Variants in MASTL observed in about 807,000 individuals in gnomAD.
MASTL encodes the protein serine/threonine-protein kinase greatwall.
In MASTL, 54 loss-of-function variants were observed where a neutral mutation model predicts 82.5. The ratio of observed to expected loss-of-function variants is 0.65; its 90% CI spans 0.53 to 0.82. The LOEUF is 0.82. Ranked by LOEUF, MASTL falls within the 40% of genes least tolerant of loss-of-function variation. MASTL has a pLI of 0.00. For missense variants in MASTL, 950 were observed against 1,047.8 expected (o/e 0.91, Z 1.29); for synonymous variants, 323 against 368.9 (o/e 0.88, Z 1.43).
At chr10:27,161,266 GGGA>G in intron 4 of MASTL, 84 bp downstream of exon 4, 1 of 789,256 alleles carries the variant, frequency 1.3e-6, no homozygotes, top group Non-Finnish European at 2.2e-6. Flanking sequence ...CCAGCACTTT[GGGA>G]GGCCAAGGCG....
At chr10:27,155,846 G>T (rs2057347937) in intron 1 of MASTL, among the ~76,000 whole-genome samples, 1 of 152,164 alleles carries the variant, frequency 6.6e-6, no homozygotes, top group Admixed American at 6.5e-5. Context: ...AGTGAGAACA[G>T]CAAAGTTTGA....
Position 27,184,552 on chromosome 10 carries a change from G to A in MASTL, c.2483-1827G>A, listed in dbSNP as rs796432479. Among the ~76,000 whole-genome samples, 214 of 89,648 alleles carry A rather than the reference G, an allele frequency of 2.4e-3. 1 individual carries two copies. Among genetic ancestry groups the A allele is most frequent in the African/African-American group, 7.8e-3 (199 of 25,454 alleles). 58.8% of individuals were successfully genotyped at this position (89,648 alleles called of 152,430 possible). ...TAAAAAACACTATCACATATAAGAA[G>A]GATTTTTTTTTTTTTTTTTTTTTTT... On this transcript the variant is annotated intron_variant, in intron 11 of 11. Coordinates refer to ENST00000375940, the MANE Select transcript of MASTL (RefSeq NM_001172303.3).
chr10:27,158,657 T>C lies in MASTL; in HGVS notation c.295T>C (p.Ser99Pro). ...KSPFIVHLYYSLQSANNVYLV... is the reference protein window; with the variant it reads ...KSPFIVHLYYPLQSANNVYLV... ...CCCATTCATTGTCCATTTGTATTAT[T>C]CACTGCAGTCTGCAAACAATGTCTA... The change falls in exon 2 of 12, where the codon TCA becomes CCA. Residue 99 changes from serine (S) to proline (P), a missense_variant. Physicochemically the swap from Ser to Pro is moderately conservative, Grantham distance 74. Transcript: ENST00000375940. The C allele has an allele frequency of 6.2e-7, 1 of 1,614,130 alleles. No homozygotes were observed. Among genetic ancestry groups the C allele is most frequent in the East Asian group, 2.2e-5 (1 of 44,884 alleles).
chr10:27,185,549 C>T (rs1370479144), intron 11 of MASTL, among the ~76,000 whole-genome samples: 5 of 146,916 alleles, frequency 3.4e-5, no homozygotes, highest in African/African-American at 1.2e-4. Flanking sequence ...GGGAGAATCG[C>T]TTGAACCCGG....
chr10:27,176,897 G>T (rs1391177586), intron 9 of MASTL, among the ~76,000 whole-genome samples: 2 of 147,472 alleles, frequency 1.4e-5, no homozygotes, highest in African/African-American at 5.0e-5. Context: ...CCAGACTGGA[G>T]TGCAGTGGCG....
At chr10:27,155,670 C>G in intron 1 of MASTL, 58 bp downstream of exon 1, 1 of 1,597,316 alleles carries the variant, frequency 6.3e-7, no homozygotes, top group Non-Finnish European at 8.6e-7. Flanking sequence ...CCTTCCTGCC[C>G]CACCGGCTTG....
At chr10:27,181,350 T>G (rs989758175) in intron 10 of MASTL, 130 bp from the exon 11 acceptor site, 2 of 714,600 alleles carry the variant, frequency 2.8e-6, no homozygotes, top group African/African-American at 3.5e-5. Context: ...GAGATCACGC[T>G]TTTGCACTCC....
chr10:27,184,554 ATTTT>A (rs752147433), intron 11 of MASTL, among the ~76,000 whole-genome samples: 3 of 84,856 alleles, frequency 3.5e-5, no homozygotes, highest in African/African-American at 9.4e-5. Flanking sequence ...TATAAGAAGG[ATTTT>A]TTTTTTTTTT....
intron 11 of MASTL, among the ~76,000 whole-genome samples, chr10:27,181,849 C>T (rs896872513): frequency 1.3e-5 from 2 of 151,972 alleles, no homozygotes; most frequent in Admixed American, 6.6e-5. Context: ...CCGAGGCAGG[C>T]GGATCACGAG....
intron 11 of MASTL, 63 bp from the exon 12 acceptor site, chr10:27,186,316 C>A (rs1299943443): frequency 2.1e-6 from 3 of 1,435,620 alleles, no homozygotes; most frequent in East Asian, 2.3e-5. Context: ...TATAATAATT[C>A]CTGTAAAGCA....
At chr10:27,155,285 G>T (rs1376980761), upstream of MASTL, 2 of 771,790 alleles carry the variant, frequency 2.6e-6, no homozygotes, top group Non-Finnish European at 4.1e-6. Flanking sequence ...CTGCGTAGGG[G>T]AGGTGACGAG....
At chr10:27,156,829 A>AT (rs10660334) in intron 1 of MASTL, among the ~76,000 whole-genome samples, 62,152 of 122,274 alleles carry the variant, frequency 0.51, 17,718 homozygotes, top group Non-Finnish European at 0.64. Context: ...CCTGCTATGA[A>AT]TTTTTTTTTT....
rs2057557492 is a variant in MASTL, at chr10:27,161,106, G to GGACA, written c.478_481dup (p.Asn161ArgfsTer7). ...TTTGTGTGTGCAGGGACTTGAAACC[G>GGACA]GACAATATGCTTATTTCTAATGAGG... is the stretch of plus-strand genomic sequence containing the variant. On this transcript the variant is annotated frameshift_variant, in exon 4 of 12. Coordinates refer to ENST00000375940, the MANE Select transcript of MASTL (RefSeq NM_001172303.3). LOFTEE classifies it high-confidence loss of function. 1 of 1,611,834 alleles carries GGACA rather than the reference G, an allele frequency of 6.2e-7. No homozygotes were observed. The highest frequency in any genetic ancestry group is 1.7e-5 in the Admixed American group (1 of 59,994).
chr10:27,165,732 A>T (rs2057721239), intron 6 of MASTL, among the ~76,000 whole-genome samples, 193 bp downstream of exon 6: 1 of 151,878 alleles, frequency 6.6e-6, no homozygotes. Flanking sequence ...CAACAAAGTG[A>T]GACTTCATCT....
chr10:27,183,313 C>T (rs1298024595), intron 11 of MASTL, among the ~76,000 whole-genome samples: 1 of 151,996 alleles, frequency 6.6e-6, no homozygotes, highest in African/African-American at 2.4e-5. Flanking sequence ...CAGAGACTTG[C>T]TCTGTCACCA....
chr10:27,164,593 A>T (rs1457143438), intron 4 of MASTL, among the ~76,000 whole-genome samples: 7 of 152,182 alleles, frequency 4.6e-5, no homozygotes, highest in Non-Finnish European at 8.8e-5. Flanking sequence ...ATATTAGCTA[A>T]CGTGAGGGGC....
intron 1 of MASTL, among the ~76,000 whole-genome samples, chr10:27,157,296 T>A (rs1564479459): frequency 6.6e-6 from 1 of 152,188 alleles, no homozygotes; most frequent in Non-Finnish European, 1.5e-5. Context: ...TACTTAGTCA[T>A]GATCAGTTGA....
intron 4 of MASTL, 39 bp from the exon 5 acceptor site, chr10:27,165,025 G>A: frequency 7.7e-7 from 1 of 1,296,814 alleles, no homozygotes. Flanking sequence ...GGAGGTAAAG[G>A]TTTTAAATAC....
At chr10:27,186,278 G>A (rs1032729740) in intron 11 of MASTL, 101 bp from the exon 12 acceptor site, 2 of 1,184,526 alleles carry the variant, frequency 1.7e-6, no homozygotes, top group Admixed American at 1.8e-5. Flanking sequence ...ATAAAGTAAG[G>A]TAAGTTATAT....
Sources: allele counts gnomAD v4.1 joint callset (sites outside exome capture counted in the v4.1 genomes callset), GRCh38; gene constraint gnomAD v4.1.1; transcripts MANE v1.5; gene names NCBI Gene and HGNC (gene_info 2026-07-23, HGNC 2026-07-21).